OR51B5: variants seen among roughly 807,000 people sequenced by gnomAD.
OR51B5 encodes the protein olfactory receptor 51B5.
For synonymous variants in OR51B5, 186 were observed against 144.8 expected (o/e 1.28, Z -2.04); for missense variants, 456 against 374.6 (o/e 1.22, Z -1.79).
At chr11:5,494,002 G>A (rs1851614239) in intron 1 of OR51B5, among the ~76,000 whole-genome samples, 1 of 152,124 alleles carries the variant, frequency 6.6e-6, no homozygotes, top group African/African-American at 2.4e-5. Flanking sequence ...TAATTTCTGA[G>A]TTTGAAAGAA....
chr11:5,489,000 T>C, intron 1 of OR51B5: 1 of 1,614,102 alleles, frequency 6.2e-7, no homozygotes, highest in Non-Finnish European at 8.5e-7. Context: ...TTTCCTTTGG[T>C]GGATGCCTGG....
At chr11:5,359,066 C>G (rs1849238844) in intron 1 of OR51B5, among the ~76,000 whole-genome samples, 1 of 152,124 alleles carries the variant, frequency 6.6e-6, no homozygotes, top group African/African-American at 2.4e-5. Context: ...TGGAAGCATT[C>G]CCTTTGAAAA....
At chr11:5,371,195 G>C (rs562215296) in intron 1 of OR51B5, among the ~76,000 whole-genome samples, 2 of 152,292 alleles carry the variant, frequency 1.3e-5, no homozygotes, top group Admixed American at 6.5e-5. Flanking sequence ...AAATATTCTA[G>C]AAAGTCCATA....
intron 1 of OR51B5, among the ~76,000 whole-genome samples, chr11:5,384,446 A>T (rs1411181172): frequency 1.3e-5 from 2 of 152,214 alleles, no homozygotes; most frequent in Non-Finnish European, 2.9e-5. Context: ...AGCCAGAGAA[A>T]GAACAGAAAA....
intron 1 of OR51B5, among the ~76,000 whole-genome samples, chr11:5,418,267 A>AG (rs1041871027): frequency 1.3e-5 from 2 of 151,884 alleles, no homozygotes; most frequent in African/African-American, 4.8e-5. Context: ...GGGTGCGGGG[A>AG]GGGGGTAGGG....
chr11:5,411,856 A>G (rs1486503097), intron 1 of OR51B5, among the ~76,000 whole-genome samples: 2 of 152,304 alleles, frequency 1.3e-5, no homozygotes, highest in South Asian at 2.1e-4. Context: ...AGAGAGAGAA[A>G]TTGACTAAAA....
upstream of OR51B5, among the ~76,000 whole-genome samples, chr11:5,345,569 A>G (rs1848978012): frequency 1.3e-5 from 2 of 152,172 alleles, no homozygotes; most frequent in African/African-American, 4.8e-5. Context: ...CTTGTGAGGA[A>G]ATCAAGAGTC....
At chr11:5,472,356 G>T (rs1851241556) in intron 1 of OR51B5, among the ~76,000 whole-genome samples, 1 of 152,158 alleles carries the variant, frequency 6.6e-6, no homozygotes, top group South Asian at 2.1e-4. Flanking sequence ...GCCTCTGTGG[G>T]GGAAGAGATG....
intron 1 of OR51B5, among the ~76,000 whole-genome samples, chr11:5,457,094 A>G (rs777232756): frequency 6.6e-6 from 1 of 152,214 alleles, no homozygotes; most frequent in Non-Finnish European, 1.5e-5. Context: ...AATACAGCAT[A>G]GTACCCCAAA....
intron 1 of OR51B5, chr11:5,355,432 C>G (rs1227686212): frequency 6.5e-6 from 1 of 154,452 alleles, no homozygotes; most frequent in African/African-American, 2.4e-5. Context: ...AAGAGCAACA[C>G]CCACTGATTT....
chr11:5,458,803 T>C (rs1397815782), intron 1 of OR51B5, among the ~76,000 whole-genome samples: 2 of 152,220 alleles, frequency 1.3e-5, no homozygotes, highest in African/African-American at 2.4e-5. Flanking sequence ...TGTATATCAA[T>C]TTGTCTTAAA....
intron 1 of OR51B5, among the ~76,000 whole-genome samples, chr11:5,386,865 G>A (rs891645379): frequency 1.3e-5 from 2 of 152,002 alleles, no homozygotes; most frequent in Admixed American, 1.3e-4. Context: ...GTCTTGAATG[G>A]CAGGAAATGG....
chr11:5,440,237 C>A (rs1195563374), intron 1 of OR51B5, among the ~76,000 whole-genome samples: 3 of 152,082 alleles, frequency 2.0e-5, no homozygotes, highest in African/African-American at 7.2e-5. Context: ...TCTGTTTGCC[C>A]TGCTGAACTT....
intron 1 of OR51B5, among the ~76,000 whole-genome samples, chr11:5,465,687 G>A (rs1190391962): frequency 4.2e-5 from 6 of 142,290 alleles, no homozygotes; most frequent in Non-Finnish European, 1.5e-5. Flanking sequence ...TGACAAACCT[G>A]AGAAAAACAA....
intron 1 of OR51B5, among the ~76,000 whole-genome samples, chr11:5,379,934 C>T (rs922665248): frequency 6.6e-6 from 1 of 151,840 alleles, no homozygotes; most frequent in South Asian, 2.1e-4. Flanking sequence ...TTATCAGATG[C>T]AACCGCCCGA....
intron 1 of OR51B5, among the ~76,000 whole-genome samples, chr11:5,452,591 C>G (rs78073918): frequency 4.9e-5 from 7 of 141,560 alleles, no homozygotes; most frequent in Admixed American, 7.4e-5. Context: ...AGCGACTTTA[C>G]GAGATATGGA....
chr11:5,340,717 A>ATAGT (rs1306276864), downstream of OR51B5: 1 of 152,222 alleles, frequency 6.6e-6, no homozygotes, highest in African/African-American at 2.4e-5. Flanking sequence ...CACTGGCCTT[A>ATAGT]TAGTTAGAAG....
intron 1 of OR51B5, among the ~76,000 whole-genome samples, chr11:5,443,810 G>T (rs78840570): frequency 1.3e-5 from 2 of 151,844 alleles, no homozygotes; most frequent in East Asian, 1.9e-4. Flanking sequence ...GACCTATCTT[G>T]GAAGGAAGGT....
intron 1 of OR51B5, among the ~76,000 whole-genome samples, chr11:5,412,908 A>C (rs12288955): frequency 0.07 from 10,578 of 152,006 alleles, 569 homozygotes; most frequent in Non-Finnish European, 0.1. Context: ...GCAGACTTAA[A>C]TGTCCCTGTC....
Sources: gnomAD v4.1 joint callset for allele counts (sites outside exome capture counted in the v4.1 genomes callset) on GRCh38, gnomAD v4.1.1 for gene constraint, MANE v1.5 for transcripts, NCBI Gene and HGNC (gene_info 2026-07-23, HGNC 2026-07-21) for gene names.